NUP88: variants seen among roughly 807,000 people sequenced by gnomAD.
NUP88 encodes the protein nucleoporin 88.
A neutral mutation model predicts 93.9 loss-of-function variants in NUP88; 57 were observed. The observed-to-expected ratio is 0.61, with a 90% confidence interval of 0.49 to 0.76. NUP88 has a LOEUF of 0.76. Among genes scored for constraint, NUP88 ranks in the 30% least tolerant of loss-of-function variants. The probability of loss-of-function intolerance (pLI) is 0.00; values close to 1 mark genes in which losing one functional copy is unlikely to be tolerated. For missense variants in NUP88, 911 were observed against 901.0 expected (o/e 1.01, Z -0.14); for synonymous variants, 346 against 336.8 (o/e 1.03, Z -0.30).
intron 9 of NUP88, among the ~76,000 whole-genome samples, chr17:5,391,901 A>G (rs923240982): frequency 4.6e-5 from 7 of 151,184 alleles, no homozygotes; most frequent in African/African-American, 1.7e-4. Context: ...TGCTGACTGT[A>G]ATCTCAAAAG....
rs1913788950 is a variant in NUP88, at chr17:5,410,721, C to T, written c.662G>A (p.Ser221Asn). The change falls in exon 4 of 17, where the codon AGT becomes AAT. Residue 221 changes from serine (S) to asparagine (N), a missense_variant. Coordinates refer to ENST00000573584, the MANE Select transcript of NUP88 (RefSeq NM_002532.6). ...VIILSEAEEE[S>N]LVLNKGRAYT... ...AACTTACCCTTTATTGAGTACTAGACTTTCCTCTTCGGCTTCTGAAAGTAT... is the reference window on the plus strand; with the variant it reads ...AACTTACCCTTTATTGAGTACTAGATTTTCCTCTTCGGCTTCTGAAAGTAT... 2 of 1,609,690 alleles carry T rather than the reference C, an allele frequency of 1.2e-6. No individual in the cohort carries two copies. The highest frequency in any genetic ancestry group is 1.7e-6 in the Non-Finnish European group (2 of 1,176,292).
In NUP88 at chr17:5,408,882, C is replaced by T. The variant is rs1189459787; in HGVS notation, c.708G>A (p.Glu236=). The T allele has an allele frequency of 5.6e-6, 9 of 1,612,756 alleles. No individual in the cohort carries two copies. The highest frequency in any genetic ancestry group is 5.3e-5 in the African/African-American group (4 of 74,822). ...GCCCAAAGTCAAATGCAACTGCTGTCTCTCCTAGAGATGCGGTATACGCCC... is the reference window on the plus strand; with the variant it reads ...GCCCAAAGTCAAATGCAACTGCTGTTTCTCCTAGAGATGCGGTATACGCCC... ...KGRAYTASLG[E]TAVAFDFGPL... is the part of the protein sequence containing the mutation. Residue 236 remains glutamate, a synonymous_variant, in exon 5 of 17, where the codon GAG becomes GAA. Transcript: ENST00000573584.
intron 10 of NUP88, among the ~76,000 whole-genome samples, chr17:5,390,737 T>G (rs1389335286): frequency 3.9e-5 from 6 of 152,002 alleles, no homozygotes; most frequent in African/African-American, 1.4e-4. Flanking sequence ...AGGGTCTTGC[T>G]CTGTTACCCA....
rs574748362 is a variant in NUP88 at position 5,390,436 on chromosome 17, C to T, written c.1484+1125G>A. On this transcript the variant is annotated intron_variant, in intron 10 of 16. Transcript: ENST00000573584. ...CAGATAGTACAACTTAATCAAGCTT[C>T]AAAGACTATGGAAGATCCTCTAAGG... 2.0e-5 allele frequency among the ~76,000 whole-genome samples: 3 copies of T among 152,224 alleles called. No homozygotes were observed. The South Asian group carries it at 6.2e-4, about 32-fold the overall frequency.
chr17:5,390,343 TG>T (rs1912337800), intron 10 of NUP88, among the ~76,000 whole-genome samples: 1 of 152,186 alleles, frequency 6.6e-6, no homozygotes, highest in South Asian at 2.1e-4. Context: ...TTATTATTTT[TG>T]TTTGGTCTTG....
Position 5,386,155 on chromosome 17 carries a change from T to C in NUP88, c.*51A>G, listed in dbSNP as rs914829243. The C allele has an allele frequency of 2.9e-6, 4 of 1,398,980 alleles. No individual in the cohort carries two copies. The African/African-American group carries it at 5.8e-5, about 20-fold the overall frequency. The allele number at this position is 1,398,980 out of a possible 1,614,324, so 86.7% of individuals were successfully genotyped here. ...AATTCTACCTGTTTTACAATATGGGTTTAAGCCTTCAATGGTGTTCAGTTC... is the reference window on the plus strand; with the variant it reads ...AATTCTACCTGTTTTACAATATGGGCTTAAGCCTTCAATGGTGTTCAGTTC... On this transcript the variant is annotated 3_prime_UTR_variant, in exon 17 of 17. Coordinates refer to ENST00000573584, the MANE Select transcript of NUP88 (RefSeq NM_002532.6).
rs757654916 is a variant in NUP88, at chr17:5,387,009, C to T, written c.2018G>A (p.Arg673Gln). ...KELQLIPDQL[R>Q]HLGNAIKQVT... ...CTGTTTGATGGCATTGCCCAAATGTCGAAGTTGATCAGGTATCAGCTGTAA... is the reference window on the plus strand; with the variant it reads ...CTGTTTGATGGCATTGCCCAAATGTTGAAGTTGATCAGGTATCAGCTGTAA... Residue 673 changes from arginine to glutamine, a missense_variant, in exon 15 of 17, where the codon CGA becomes CAA. Transcript: ENST00000573584. 1.9e-6 allele frequency: 3 copies of T among 1,614,040 alleles called. No homozygotes were observed. Among genetic ancestry groups the T allele is most frequent in the East Asian group, 2.2e-5 (1 of 44,874 alleles).
At chr17:5,417,774 G>A (rs1914246073) in intron 1 of NUP88, among the ~76,000 whole-genome samples, 1 of 152,080 alleles carries the variant, frequency 6.6e-6, no homozygotes, top group Non-Finnish European at 1.5e-5. Context: ...ATGAGGTGGA[G>A]GTTGCAGTTA....
chr17:5,415,411 ATATAG>A (rs1322918705), intron 2 of NUP88, among the ~76,000 whole-genome samples: 4 of 152,232 alleles, frequency 2.6e-5, no homozygotes, highest in Non-Finnish European at 4.4e-5. Flanking sequence ...GTGTTTTCAG[ATATAG>A]TATCTCATTT....
rs559999411 is a variant in NUP88 at position 5,412,181 on chromosome 17, T to G, written c.594-1392A>C. ...GTACCTATGCTATCTTCCCACCATC[T>G]CCTTTTCCATCATAGCATATAAAAG... On this transcript the variant is annotated intron_variant, in intron 3 of 16. Coordinates refer to ENST00000573584, the MANE Select transcript of NUP88 (RefSeq NM_002532.6). Among the ~76,000 whole-genome samples the G allele has an allele frequency of 4.6e-5, 7 of 152,330 alleles. No homozygotes were observed. The South Asian group carries it at 1.2e-3, about 27-fold the overall frequency.
chr17:5,402,984 T>C (rs1302359193), intron 7 of NUP88, among the ~76,000 whole-genome samples: 2 of 152,074 alleles, frequency 1.3e-5, no homozygotes, highest in East Asian at 1.9e-4. Context: ...AGTGAGATCA[T>C]ATCACACACA....
chr17:5,414,116 C>A lies in NUP88; in HGVS notation c.486G>T (p.Glu162Asp). ...TVNCSTTPVA[E>D]RFFTSSTSLT... Reference sequence around the variant, plus strand: ...GAGAGGTGGAACTGGTGAAAAATCTCTCCGCAACTGGAGTGGTACTAAAAT... The same window carrying A: ...GAGAGGTGGAACTGGTGAAAAATCTATCCGCAACTGGAGTGGTACTAAAAT... Residue 162 changes from glutamate to aspartate, a missense_variant, in exon 3 of 17, where the codon GAG becomes GAT. Physicochemically the swap from Glu to Asp is conservative, Grantham distance 45. Coordinates refer to ENST00000573584, the MANE Select transcript of NUP88 (RefSeq NM_002532.6). 1 of 1,613,752 alleles carries A rather than the reference C, an allele frequency of 6.2e-7. No individual in the cohort carries two copies. The highest frequency in any genetic ancestry group is 1.1e-5 in the South Asian group (1 of 91,066).
chr17:5,399,263 T>C (rs1484698735), intron 8 of NUP88, among the ~76,000 whole-genome samples: 1 of 146,592 alleles, frequency 6.8e-6, no homozygotes, highest in Non-Finnish European at 1.5e-5. Flanking sequence ...TTTTTTTTTT[T>C]CTTGGAATTT....
chr17:5,387,635 AGTT>A lies in NUP88; in HGVS notation c.1802_1804del (p.Gln601del), dbSNP rs751233903. 5 of 1,613,232 alleles carry A rather than the reference AGTT, an allele frequency of 3.1e-6. No homozygotes were observed. Among genetic ancestry groups the A allele is most frequent in the South Asian group, 2.2e-5 (2 of 91,040 alleles). On this transcript the variant is annotated inframe_deletion, in exon 13 of 17. Coordinates refer to ENST00000573584, the MANE Select transcript of NUP88 (RefSeq NM_002532.6). ...TTCTCGACAATAACTGAGATCTTCT[AGTT>A]GTTTCTTTTTTTGGTCACATAATAA... is the stretch of plus-strand genomic sequence containing the variant.
chr17:5,390,870 T>G (rs1306550078), intron 10 of NUP88, among the ~76,000 whole-genome samples: 1 of 152,028 alleles, frequency 6.6e-6, no homozygotes, highest in African/African-American at 2.4e-5. Flanking sequence ...AATTTTTTTG[T>G]TTTTTGTAGA....
At chr17:5,388,989 T>C (rs201756232) in intron 10 of NUP88, 29 bp from the exon 11 acceptor site, 69 of 1,527,614 alleles carry the variant, frequency 4.5e-5, no homozygotes, top group Non-Finnish European at 6.0e-5. Context: ...AATTGAATTC[T>C]ACCATGGAGT....
chr17:5,399,720 T>C lies in NUP88; in HGVS notation c.1193-70A>G, dbSNP rs140622842. ...CTAAAAAAATTTACCTCAAATTTGT[T>C]GGCTACTCCACATTAGCCTACAAAC... On this transcript the variant is annotated intron_variant, in intron 7 of 16. Transcript: ENST00000573584. 1.8e-3 allele frequency: 1,338 copies of C among 762,498 alleles called. 9 individuals are homozygous for C. The African/African-American group carries it at 0.021, about 12-fold the overall frequency. 47.2% of individuals were successfully genotyped at this position (762,498 alleles called of 1,614,324 possible).
chr17:5,397,390 G>A (rs764279265), intron 8 of NUP88, among the ~76,000 whole-genome samples: 4 of 151,736 alleles, frequency 2.6e-5, no homozygotes, highest in East Asian at 1.9e-4. Context: ...TGGATTATCC[G>A]GGCAGACTTA....
intron 8 of NUP88, among the ~76,000 whole-genome samples, chr17:5,398,041 G>A (rs938471136): frequency 1.6e-4 from 25 of 151,996 alleles, no homozygotes; most frequent in South Asian, 6.2e-4. Context: ...CGAGTAGCTG[G>A]GATTACAGGC....
Sources: allele counts gnomAD v4.1 joint callset (sites outside exome capture counted in the v4.1 genomes callset), GRCh38; gene constraint gnomAD v4.1.1; transcripts MANE v1.5; gene names NCBI Gene and HGNC (gene_info 2026-07-23, HGNC 2026-07-21).